ULK4: variants seen among roughly 807,000 people sequenced by gnomAD.
The protein encoded by ULK4 is inactive serine/threonine-protein kinase ULK4.
In ULK4, 133 loss-of-function variants were observed where a neutral mutation model predicts 160.6. The observed-to-expected ratio is 0.83, with a 90% CI of 0.72 to 0.96. ULK4 has a LOEUF of 0.96. ULK4 is among the 40% of genes least tolerant of loss of function. ULK4 has a pLI of 0.00. For synonymous variants in ULK4, 534 were observed against 539.8 expected (o/e 0.99, Z 0.15); for missense variants, 1,580 against 1,499.5 (o/e 1.05, Z -0.89).
chr3:41,641,332 G>A (rs1480266240), intron 30 of ULK4, among the ~76,000 whole-genome samples: 12 of 152,160 alleles, frequency 7.9e-5, no homozygotes, highest in Admixed American at 7.9e-4. Context: ...TATTAGTAGG[G>A]GCTAAGTTGT....
intron 5 of ULK4, among the ~76,000 whole-genome samples, chr3:41,927,894 C>T (rs538532651): frequency 1.1e-3 from 163 of 152,188 alleles, no homozygotes; most frequent in Non-Finnish European, 1.9e-3. Flanking sequence ...TAGACTCCCA[C>T]ACCATAATAG....
chr3:41,594,781 A>C (rs745966853), intron 31 of ULK4, among the ~76,000 whole-genome samples: 2 of 151,938 alleles, frequency 1.3e-5, no homozygotes, highest in Non-Finnish European at 2.9e-5. Flanking sequence ...AATGGAACGC[A>C]AACAGCAGGG....
intron 32 of ULK4, among the ~76,000 whole-genome samples, chr3:41,494,742 C>A (rs1455376067): frequency 6.6e-6 from 1 of 152,026 alleles, no homozygotes; most frequent in African/African-American, 2.4e-5. Context: ...TCTCAGGATA[C>A]AAAATCAATG....
intron 17 of ULK4, among the ~76,000 whole-genome samples, chr3:41,840,249 C>A: frequency 6.6e-6 from 1 of 152,156 alleles, no homozygotes. Context: ...GACAACAAAG[C>A]AAGACCCTGT....
At chr3:41,267,030 G>GT (rs397768366) in intron 35 of ULK4, among the ~76,000 whole-genome samples, 13 of 105,250 alleles carry the variant, frequency 1.2e-4, no homozygotes, top group Admixed American at 3.8e-4. Context: ...GGGGGGGGGG[G>GT]TTTAAGGCTT....
At chr3:41,363,658 T>C (rs1191080910) in intron 35 of ULK4, among the ~76,000 whole-genome samples, 1 of 152,142 alleles carries the variant, frequency 6.6e-6, no homozygotes, top group Non-Finnish European at 1.5e-5. Flanking sequence ...AGGATGAAAA[T>C]TTGTAATATA....
intron 35 of ULK4, among the ~76,000 whole-genome samples, chr3:41,378,579 C>T (rs1043955207): frequency 3.3e-5 from 5 of 150,826 alleles, no homozygotes; most frequent in Admixed American, 6.6e-5. Flanking sequence ...GGGAACTGAA[C>T]AATGAGAACA....
At chr3:41,722,570 G>C (rs1042235056) in intron 22 of ULK4, among the ~76,000 whole-genome samples, 1 of 152,126 alleles carries the variant, frequency 6.6e-6, no homozygotes, top group African/African-American at 2.4e-5. Flanking sequence ...GGCAGAGGTT[G>C]CAATAAGCCG....
intron 22 of ULK4, among the ~76,000 whole-genome samples, chr3:41,733,441 A>G (rs934934953): frequency 5.9e-5 from 9 of 152,276 alleles, no homozygotes; most frequent in African/African-American, 2.2e-4. Context: ...CACTTCAATA[A>G]AGCAGTTTAA....
At chr3:41,379,163 C>A (rs539262134) in intron 35 of ULK4, among the ~76,000 whole-genome samples, 2 of 151,374 alleles carry the variant, frequency 1.3e-5, no homozygotes, top group Non-Finnish European at 2.9e-5. Context: ...ATGTAATAAA[C>A]CTGCACATTC....
intron 2 of ULK4, among the ~76,000 whole-genome samples, chr3:41,939,359 C>G (rs1699880368): frequency 6.6e-6 from 1 of 152,076 alleles, no homozygotes; most frequent in African/African-American, 2.4e-5. Context: ...GGGGTTTCAT[C>G]ATGTTGGCCA....
At chr3:41,648,672 T>C (rs1298767815) in intron 30 of ULK4, among the ~76,000 whole-genome samples, 2 of 152,166 alleles carry the variant, frequency 1.3e-5, no homozygotes, top group Non-Finnish European at 2.9e-5. Context: ...TCCAGCTCAA[T>C]TACCCCTCTC....
rs114122037 is a variant in ULK4, at chr3:41,301,051, G to C, written c.3679-51477C>G. On this transcript the variant is annotated intron_variant, in intron 35 of 36. Coordinates refer to ENST00000301831, the MANE Select transcript of ULK4 (RefSeq NM_017886.4). ...CAAGGCCTTGCAGCCCATGTGGATG[G>C]AGCAGGACTAGGCTCAGAAAGGGTC... Among the ~76,000 whole-genome samples, 620 of 151,288 alleles carry C rather than the reference G, an allele frequency of 4.1e-3. 3 individuals are homozygous for C. The highest frequency in any genetic ancestry group is 0.015 in the African/African-American group (599 of 41,208).
At chr3:41,510,866 C>A (rs879470073) in intron 32 of ULK4, among the ~76,000 whole-genome samples, 6 of 152,116 alleles carry the variant, frequency 3.9e-5, no homozygotes, top group South Asian at 2.1e-4. Context: ...TAAATGCCTA[C>A]ATCAAAAAGT....
rs144126707 is a variant in ULK4, at chr3:41,708,739, G to C, written c.2635-3434C>G. Among the ~76,000 whole-genome samples, 462 of 152,242 alleles carry C rather than the reference G, an allele frequency of 3.0e-3. 2 individuals are homozygous for C. The highest frequency in any genetic ancestry group is 0.01 in the Middle Eastern group (3 of 292). ...CCTGAAAATTGGTAATAGATTTCAA[G>C]TTTTCTCACCACAAAAACAAATATG... On this transcript the variant is annotated intron_variant, in intron 25 of 36. Transcript: ENST00000301831.
chr3:41,392,037 C>A (rs1169946220), intron 35 of ULK4, among the ~76,000 whole-genome samples: 1 of 152,012 alleles, frequency 6.6e-6, no homozygotes, highest in Non-Finnish European at 1.5e-5. Flanking sequence ...TGTGGTGGTT[C>A]ATGTGTAGTC....
chr3:41,498,892 CGA>C (rs1467944206), intron 32 of ULK4, among the ~76,000 whole-genome samples: 2 of 151,714 alleles, frequency 1.3e-5, no homozygotes, highest in African/African-American at 4.8e-5. Context: ...ACTGTCTGGC[CGA>C]GAGTTTCTTC....
intron 22 of ULK4, among the ~76,000 whole-genome samples, chr3:41,747,651 G>C (rs1176907894): frequency 6.6e-6 from 1 of 152,052 alleles, no homozygotes; most frequent in Non-Finnish European, 1.5e-5. Flanking sequence ...AGATTTAAGG[G>C]GGTAATTAAG....
In ULK4 at chr3:41,490,800, T is replaced by A. The variant is rs546366356; in HGVS notation, c.3227-27547A>T. On this transcript the variant is annotated intron_variant, in intron 32 of 36. Coordinates refer to ENST00000301831, the MANE Select transcript of ULK4 (RefSeq NM_017886.4). ...TGAATCAATCAACAAGTAAATTAAC[T>A]GGGATAAGAGAGACTATAAGATAAC... is the stretch of plus-strand genomic sequence containing the variant. Among the ~76,000 whole-genome samples the A allele has an allele frequency of 1.4e-4, 21 of 152,290 alleles. No individual in the cohort carries two copies. In the South Asian group the frequency reaches 3.9e-3, roughly 29 times the overall value.
Sources: gnomAD v4.1 joint callset for allele counts (sites outside exome capture counted in the v4.1 genomes callset) on GRCh38, gnomAD v4.1.1 for gene constraint, MANE v1.5 for transcripts, NCBI Gene and HGNC (gene_info 2026-07-23, HGNC 2026-07-21) for gene names.